AHCYL2: variants seen among roughly 807,000 people sequenced by gnomAD.
The protein encoded by AHCYL2 is S-adenosylhomocysteine hydrolase-like protein 2.
AHCYL2 carries 28 observed loss-of-function variants against 81.4 expected under a neutral mutation model. That is an observed-to-expected ratio of 0.34 (90% CI 0.25 to 0.47). AHCYL2 has a LOEUF of 0.47. AHCYL2 is among the 20% of genes least tolerant of loss of function. The pLI is 1.00. For missense variants in AHCYL2, 551 were observed against 785.1 expected (o/e 0.70, Z 3.56); for synonymous variants, 272 against 290.2 (o/e 0.94, Z 0.64).
chr7:129,412,785 T>C (rs1796651763), intron 11 of AHCYL2, among the ~76,000 whole-genome samples: 1 of 152,208 alleles, frequency 6.6e-6, no homozygotes, highest in Non-Finnish European at 1.5e-5. Flanking sequence ...CATCTTTTCA[T>C]GTGTTTATTG....
Position 129,406,046 on chromosome 7 carries a change from C to T in AHCYL2, c.1206+147C>T. 2 of 773,772 alleles carry T rather than the reference C, an allele frequency of 2.6e-6. No homozygotes were observed. The highest frequency in any genetic ancestry group is 3.0e-5 in the Admixed American group (1 of 33,012). The allele number at this position is 773,772 out of a possible 1,614,324, so 47.9% of individuals were successfully genotyped here. A position where few individuals can be genotyped will look rare whatever the true frequency, so the allele number is the denominator to read the frequency against. The stretch of plus-strand genomic sequence containing the variant: ...TCAGAGGCCTTCTGGTTGAAGTAGA[C>T]TTTCTTTTTCCCTTTGCGTTGCCGC... On this transcript the variant is annotated intron_variant, in intron 9 of 16. Coordinates refer to ENST00000325006, the MANE Select transcript of AHCYL2 (RefSeq NM_015328.4). The surrounding 1 kb of genome is among the most constrained non-coding windows in gnomAD (Gnocchi z 4.3).
chr7:129,316,263 A>G (rs1797821930), intron 1 of AHCYL2, among the ~76,000 whole-genome samples: 1 of 152,222 alleles, frequency 6.6e-6, no homozygotes, highest in African/African-American at 2.4e-5. Context: ...AGATCAGTTA[A>G]CAAATTCAAG....
intron 1 of AHCYL2, among the ~76,000 whole-genome samples, chr7:129,264,695 A>G (rs1369260348): frequency 2.0e-5 from 3 of 152,222 alleles, no homozygotes; most frequent in African/African-American, 7.2e-5. Flanking sequence ...AGAATGGAGC[A>G]GAACGTCATT....
At chr7:129,418,099 GGAAAA>G (rs894716429) in intron 12 of AHCYL2, among the ~76,000 whole-genome samples, 1 of 152,078 alleles carries the variant, frequency 6.6e-6, no homozygotes, top group Non-Finnish European at 1.5e-5. Context: ...ATGTGTTTGA[GGAAAA>G]GAAAAGAAGT....
rs1163862619 is a variant in AHCYL2, at chr7:129,406,426, T to C, written c.1255T>C (p.Tyr419His). 6.2e-7 allele frequency: 1 copy of C among 1,614,114 alleles called. No homozygotes were observed. Among genetic ancestry groups the C allele is most frequent in the Non-Finnish European group, 8.5e-7 (1 of 1,180,006 alleles). Residue 419 changes from tyrosine (Y) to histidine (H), a missense_variant, in exon 10 of 17, where the codon TAT (tyrosine) becomes CAT (histidine). Around this residue, in one of 2 missense-constraint regions of AHCYL2, gnomAD observed 316 missense variants for 543.1 expected, o/e 0.58. Coordinates refer to ENST00000325006, the MANE Select transcript of AHCYL2 (RefSeq NM_015328.4). This position sits in a 1 kb window ranked among gnomAD's most constrained non-coding sequence, Gnocchi z 4.3. ...AALKAMGSIV[Y>H]VTEIDPICAL... ...CCTGAAAGCCATGGGCTCCATTGTG[T>C]ATGTAACTGAAATTGACCCCATCTG...
At chr7:129,316,959 C>A (rs940014343) in intron 1 of AHCYL2, among the ~76,000 whole-genome samples, 12 of 152,154 alleles carry the variant, frequency 7.9e-5, no homozygotes, top group African/African-American at 2.7e-4. Flanking sequence ...AACACGATAA[C>A]ATGTTTGTTC....
intron 1 of AHCYL2, among the ~76,000 whole-genome samples, chr7:129,321,330 G>A (rs1422800553): frequency 1.3e-5 from 2 of 152,128 alleles, no homozygotes; most frequent in African/African-American, 2.4e-5. Flanking sequence ...AAGTAAAAGC[G>A]TTCTGTTCTA....
chr7:129,397,893 A>G (rs895111641), intron 5 of AHCYL2, among the ~76,000 whole-genome samples: 1 of 152,212 alleles, frequency 6.6e-6, no homozygotes, highest in Non-Finnish European at 1.5e-5. Flanking sequence ...TTTCATTTTA[A>G]TTTACTTATT....
At chr7:129,410,142 AACGATT>A (rs2150947346) in intron 11 of AHCYL2, 6 of 1,591,188 alleles carry the variant, frequency 3.8e-6, no homozygotes, top group Non-Finnish European at 5.2e-6. Flanking sequence ...AATTGAGATG[AACGATT>A]ATTGGGCTTG....
chr7:129,267,235 G>GTGTGTA (rs1554472022), intron 1 of AHCYL2, among the ~76,000 whole-genome samples: 1 of 135,606 alleles, frequency 7.4e-6, no homozygotes, highest in Non-Finnish European at 1.6e-5. Flanking sequence ...CAAGGGGTGT[G>GTGTGTA]TGTGTGTGTG....
intron 1 of AHCYL2, among the ~76,000 whole-genome samples, chr7:129,346,213 A>T (rs1329896410): frequency 6.6e-6 from 1 of 152,122 alleles, no homozygotes; most frequent in Non-Finnish European, 1.5e-5. Flanking sequence ...CCTAGGAAAT[A>T]CAACATGGAA....
intron 1 of AHCYL2, among the ~76,000 whole-genome samples, chr7:129,253,503 A>G (rs1563167659): frequency 1.3e-5 from 2 of 152,364 alleles, no homozygotes; most frequent in East Asian, 3.9e-4. Context: ...GTGCTTGTCC[A>G]AGGCTTCAGA....
At chr7:129,227,388 C>T (rs983573860) in intron 1 of AHCYL2, among the ~76,000 whole-genome samples, 5 of 147,696 alleles carry the variant, frequency 3.4e-5, no homozygotes, top group African/African-American at 7.5e-5. Context: ...TGGGAAACCA[C>T]GGCTGGTGGA....
chr7:129,303,062 G>A (rs767819702), intron 1 of AHCYL2, among the ~76,000 whole-genome samples: 1 of 152,072 alleles, frequency 6.6e-6, no homozygotes, highest in African/African-American at 2.4e-5. Flanking sequence ...GTGCAATGAC[G>A]TGATCTTGGC....
intron 4 of AHCYL2, among the ~76,000 whole-genome samples, chr7:129,392,515 A>G (rs1424080475): frequency 6.6e-6 from 1 of 152,314 alleles, no homozygotes; most frequent in Non-Finnish European, 1.5e-5. Context: ...TCACCTTCCA[A>G]TCACTTCCAT....
At chr7:129,352,539 A>G (rs533410993) in intron 1 of AHCYL2, among the ~76,000 whole-genome samples, 88 of 152,182 alleles carry the variant, frequency 5.8e-4, no homozygotes, top group African/African-American at 1.9e-3. Context: ...CCCTGCCCCA[A>G]TTTTTCTCAT....
chr7:129,409,344 G>T, intron 10 of AHCYL2, 132 bp from the exon 11 acceptor site: 1 of 616,126 alleles, frequency 1.6e-6, no homozygotes, highest in East Asian at 3.0e-5. Flanking sequence ...AAATTGTTTG[G>T]ATTTTTCACT....
At chr7:129,417,867 A>T (rs1031281579) in intron 12 of AHCYL2, among the ~76,000 whole-genome samples, 1 of 152,220 alleles carries the variant, frequency 6.6e-6, no homozygotes. Context: ...ATATATTCTA[A>T]TGTGGGAGAC....
chr7:129,393,141 G>C lies in AHCYL2; in HGVS notation c.720+3407G>C, dbSNP rs147055882. Among the ~76,000 whole-genome samples the C allele has an allele frequency of 1.0e-3, 157 of 152,348 alleles. No individual in the cohort carries two copies. The East Asian group carries it at 0.028, about 27-fold the overall frequency. ...ATAATTAATATGTTTTTTGGGCTGGGTGTGATGGCTCACGCCTGTAATCCC... is the reference window on the plus strand; with the variant it reads ...ATAATTAATATGTTTTTTGGGCTGGCTGTGATGGCTCACGCCTGTAATCCC... On this transcript the variant is annotated intron_variant, in intron 4 of 16. Transcript: ENST00000325006.
Sources: gnomAD v4.1 joint callset for allele counts (sites outside exome capture counted in the v4.1 genomes callset) on GRCh38, gnomAD v4.1.1 for gene constraint, gnomAD v4.1.1 regional missense constraint, Gnocchi (gnomAD v3.1) non-coding constraint, MANE v1.5 for transcripts, NCBI Gene and HGNC (gene_info 2026-07-23, HGNC 2026-07-21) for gene names.